Variants in FAM13A observed in about 807,000 individuals in gnomAD.
FAM13A encodes the protein family with sequence similarity 13 member A.
FAM13A carries 76 observed loss-of-function variants against 129.6 expected under a neutral mutation model. The observed-to-expected ratio is 0.59, with a 90% CI of 0.49 to 0.71. The LOEUF is 0.71. FAM13A is among the 30% of genes least tolerant of loss of function. The pLI is 0.00. For missense variants in FAM13A, 1,108 were observed against 1,249.3 expected (o/e 0.89, Z 1.70); for synonymous variants, 443 against 449.9 (o/e 0.98, Z 0.20).
chr4:88,928,288 G>A (rs1752516307), intron 5 of FAM13A, among the ~76,000 whole-genome samples: 1 of 152,122 alleles, frequency 6.6e-6, no homozygotes. Flanking sequence ...TCCATGTGCT[G>A]AAGAGAAGAA....
intron 6 of FAM13A, among the ~76,000 whole-genome samples, chr4:88,859,740 A>T (rs941370165): frequency 6.6e-6 from 1 of 152,190 alleles, no homozygotes; most frequent in Non-Finnish European, 1.5e-5. Context: ...GCATTCAGGT[A>T]CTAAGATAGG....
chr4:89,051,315 T>A (rs1400335106), intron 1 of FAM13A, among the ~76,000 whole-genome samples: 1 of 152,072 alleles, frequency 6.6e-6, no homozygotes, highest in Non-Finnish European at 1.5e-5. Context: ...GTCAAATAAT[T>A]CTCTGGGGTC....
intron 5 of FAM13A, among the ~76,000 whole-genome samples, chr4:88,923,977 C>T (rs1478545829): frequency 1.3e-5 from 2 of 152,198 alleles, no homozygotes; most frequent in South Asian, 2.1e-4. Flanking sequence ...AATAAAATAC[C>T]TAGGAATCCA....
chr4:88,992,929 C>A (rs74644985), intron 3 of FAM13A, among the ~76,000 whole-genome samples: 1 of 114,578 alleles, frequency 8.7e-6, no homozygotes, highest in Non-Finnish European at 1.9e-5. Context: ...AAGTGAAGAA[C>A]AGAAAAATGA....
intron 7 of FAM13A, among the ~76,000 whole-genome samples, chr4:88,812,529 C>G (rs1191488321): frequency 2.0e-5 from 3 of 152,166 alleles, no homozygotes; most frequent in Non-Finnish European, 4.4e-5. Flanking sequence ...GTTGTTCTTT[C>G]TACCTTAAAT....
chr4:89,000,063 A>G (rs1420340877), intron 3 of FAM13A, among the ~76,000 whole-genome samples: 2 of 152,146 alleles, frequency 1.3e-5, no homozygotes, highest in East Asian at 3.8e-4. Flanking sequence ...AATATCCCCA[A>G]TGGGCCTCTT....
At chr4:88,865,881 T>TAC (rs1740328017) in intron 6 of FAM13A, among the ~76,000 whole-genome samples, 2 of 99,248 alleles carry the variant, frequency 2.0e-5, no homozygotes, top group Admixed American at 1.1e-4. Flanking sequence ...TCTCTCTCTT[T>TAC]TTTTTTTTTT....
intron 10 of FAM13A, among the ~76,000 whole-genome samples, chr4:88,786,757 T>C (rs111360155): frequency 0.011 from 1,684 of 152,266 alleles, 23 homozygotes; most frequent in African/African-American, 0.037. Context: ...CTGTTTATCT[T>C]TTATGTTTTT....
chr4:88,888,936 CAAAAAAA>C (rs896287129), intron 6 of FAM13A, among the ~76,000 whole-genome samples: 3 of 65,584 alleles, frequency 4.6e-5, no homozygotes, highest in African/African-American at 1.3e-4. Flanking sequence ...ACTCCGTCTC[CAAAAAAA>C]AAAAAAAAAA....
At chr4:88,955,990 A>T (rs1250556255) in intron 4 of FAM13A, among the ~76,000 whole-genome samples, 1 of 152,222 alleles carries the variant, frequency 6.6e-6, no homozygotes, top group East Asian at 1.9e-4. Context: ...GGAAAAAAAA[A>T]TTTAAACATT....
chr4:89,018,382 T>C (rs1766802238), intron 3 of FAM13A, among the ~76,000 whole-genome samples: 1 of 152,208 alleles, frequency 6.6e-6, no homozygotes, highest in Non-Finnish European at 1.5e-5. Context: ...GCTGGCACCT[T>C]GATCTTGGAC....
chr4:88,773,973 G>A (rs1462048665), intron 11 of FAM13A, among the ~76,000 whole-genome samples: 1 of 152,090 alleles, frequency 6.6e-6, no homozygotes, highest in East Asian at 1.9e-4. Context: ...TCCTAAAAAT[G>A]GCTATGAAGC....
At chr4:88,881,842 C>T (rs1386246559) in intron 6 of FAM13A, among the ~76,000 whole-genome samples, 4 of 151,820 alleles carry the variant, frequency 2.6e-5, no homozygotes, top group African/African-American at 4.8e-5. Flanking sequence ...TATACTGGAA[C>T]GTGTCAGCGA....
chr4:88,945,536 T>C (rs1560477861), intron 4 of FAM13A, among the ~76,000 whole-genome samples: 1 of 151,890 alleles, frequency 6.6e-6, no homozygotes, highest in East Asian at 1.9e-4. Flanking sequence ...CCCCAATCAG[T>C]AGTTTTTGGG....
At chr4:88,803,092 T>C (rs547462916) in intron 8 of FAM13A, among the ~76,000 whole-genome samples, 1 of 152,222 alleles carries the variant, frequency 6.6e-6, no homozygotes, top group African/African-American at 2.4e-5. Flanking sequence ...CCATGGCTGC[T>C]TGTGGCTGGA....
At chr4:88,937,820 TG>T in intron 5 of FAM13A, 1 of 492,770 alleles carries the variant, frequency 2.0e-6, no homozygotes, top group Non-Finnish European at 3.6e-6. Flanking sequence ...TGCGGCCAGT[TG>T]ATCAGAGCAC....
At chr4:89,022,993 C>A (rs1345560628) in intron 2 of FAM13A, among the ~76,000 whole-genome samples, 2 of 152,176 alleles carry the variant, frequency 1.3e-5, no homozygotes, top group South Asian at 4.1e-4. Flanking sequence ...GGCCTTGTAA[C>A]TCTAAGACAG....
intron 1 of FAM13A, among the ~76,000 whole-genome samples, chr4:89,047,692 C>G (rs1015083032): frequency 6.6e-6 from 1 of 152,070 alleles, no homozygotes; most frequent in Non-Finnish European, 1.5e-5. Context: ...GGGGAACCAG[C>G]GGTGAAAACT....
intron 1 of FAM13A, among the ~76,000 whole-genome samples, chr4:89,041,166 A>T (rs187028577): frequency 1.2e-4 from 18 of 152,354 alleles, no homozygotes; most frequent in Non-Finnish European, 2.4e-4. Context: ...CATTCTAATG[A>T]TTGATAGCAG....
Sources: allele counts gnomAD v4.1 joint callset (sites outside exome capture counted in the v4.1 genomes callset), GRCh38; gene constraint gnomAD v4.1.1; transcripts MANE v1.5; gene names NCBI Gene and HGNC (gene_info 2026-07-23, HGNC 2026-07-21).